The following RAB38 variants were observed in gnomAD, a reference collection of about 807,000 sequenced individuals.
RAB38 encodes the protein ras-related protein Rab-38.
RAB38 carries 15 observed loss-of-function variants against 18.4 expected under a neutral mutation model. The ratio of observed to expected loss-of-function variants is 0.82; its 90% CI spans 0.55 to 1.26. The LOEUF is 1.26. Ranked by LOEUF, RAB38 falls within the 50% of genes most tolerant of loss-of-function variation. The probability of loss-of-function intolerance (pLI) is 0.00; values close to 1 mark genes in which losing one functional copy is unlikely to be tolerated. For synonymous variants in RAB38, 101 were observed against 104.4 expected (o/e 0.97, Z 0.20); for missense variants, 294 against 267.4 (o/e 1.10, Z -0.69).
At chr11:87,959,433 ATATC>A in the RAB38 span, among the ~76,000 whole-genome samples, 4 of 152,284 alleles carry the variant, frequency 2.6e-5, no homozygotes, top group East Asian at 1.9e-4. Context: ...ATTCATACTC[ATATC>A]TATCTGACTC....
the RAB38 span, among the ~76,000 whole-genome samples, chr11:88,008,193 AT>A: frequency 2.6e-5 from 4 of 152,160 alleles, no homozygotes. Context: ...TACATTTGAT[AT>A]CTATATTTAC....
chr11:87,811,074 T>C, the RAB38 span, among the ~76,000 whole-genome samples: 1 of 152,208 alleles, frequency 6.6e-6, no homozygotes, highest in Non-Finnish European at 1.5e-5. Flanking sequence ...TTGTAGGCTC[T>C]CCTCTTTCCC....
At chr11:88,034,681 G>T in the RAB38 span, among the ~76,000 whole-genome samples, 1 of 152,096 alleles carries the variant, frequency 6.6e-6, no homozygotes, top group South Asian at 2.1e-4. Flanking sequence ...CCTTCTGTTC[G>T]TTTCCTAATT....
chr11:87,819,736 GTATA>G, the RAB38 span, among the ~76,000 whole-genome samples: 19 of 122,556 alleles, frequency 1.6e-4, 1 homozygote, highest in African/African-American at 6.2e-4. Flanking sequence ...ATATATATGT[GTATA>G]TATATATATA....
At chr11:88,009,719 T>G in the RAB38 span, among the ~76,000 whole-genome samples, 11 of 152,266 alleles carry the variant, frequency 7.2e-5, no homozygotes, top group South Asian at 2.1e-4. Context: ...TAATCAAAAT[T>G]TATAGCTTTG....
chr11:87,960,525 C>T, the RAB38 span, among the ~76,000 whole-genome samples: 429 of 152,182 alleles, frequency 2.8e-3, 2 homozygotes, highest in African/African-American at 9.8e-3. Context: ...GTGTGTCATG[C>T]ACTGTTTTCA....
intron 2 of RAB38, among the ~76,000 whole-genome samples, chr11:88,125,402 T>A (rs146782934): frequency 3.5e-4 from 53 of 152,282 alleles, no homozygotes; most frequent in African/African-American, 1.2e-3. Context: ...CAAACATAAC[T>A]TTTTTGGAAG....
the RAB38 span, among the ~76,000 whole-genome samples, chr11:87,871,420 C>G: frequency 1.3e-5 from 2 of 151,632 alleles, no homozygotes; most frequent in African/African-American, 4.8e-5. Flanking sequence ...AGATTTTGAA[C>G]TTGACCCAGA....
the RAB38 span, among the ~76,000 whole-genome samples, chr11:88,077,018 G>GAA: frequency 9.1e-6 from 1 of 109,888 alleles, no homozygotes; most frequent in Admixed American, 9.0e-5. Context: ...GAAAAGAAAA[G>GAA]AAAAGAAAAG....
chr11:88,115,463 T>C (rs1942537485), intron 2 of RAB38: 1 of 152,222 alleles, frequency 6.6e-6, no homozygotes, highest in South Asian at 2.1e-4. Flanking sequence ...TAGTTGTAAA[T>C]GTTTATTAGC....
chr11:87,887,846 A>C, the RAB38 span, among the ~76,000 whole-genome samples: 1 of 151,950 alleles, frequency 6.6e-6, no homozygotes, highest in Non-Finnish European at 1.5e-5. Context: ...AAACAGAATT[A>C]ATACAGCAAA....
At chr11:88,144,579 C>A (rs904075490) in intron 2 of RAB38, among the ~76,000 whole-genome samples, 2 of 152,320 alleles carry the variant, frequency 1.3e-5, no homozygotes, top group Admixed American at 1.3e-4. Flanking sequence ...TAGATATATT[C>A]CTTTTCTCAG....
the RAB38 span, among the ~76,000 whole-genome samples, chr11:87,922,720 A>G: frequency 6.6e-6 from 1 of 151,960 alleles, no homozygotes; most frequent in South Asian, 2.1e-4. Flanking sequence ...TTATGCCAAC[A>G]ACTTTATACA....
At chr11:88,131,205 C>T (rs1263526511) in intron 2 of RAB38, among the ~76,000 whole-genome samples, 1 of 152,082 alleles carries the variant, frequency 6.6e-6, no homozygotes, top group African/African-American at 2.4e-5. Context: ...ACAAATAGTT[C>T]ACCATAGAAA....
At chr11:87,977,903 A>G in the RAB38 span, among the ~76,000 whole-genome samples, 4 of 112,274 alleles carry the variant, frequency 3.6e-5, no homozygotes, top group South Asian at 2.7e-4. Context: ...ATTTACATAT[A>G]ATTATATACA....
chr11:87,914,024 C>A, the RAB38 span, among the ~76,000 whole-genome samples: 1 of 151,694 alleles, frequency 6.6e-6, no homozygotes, highest in African/African-American at 2.4e-5. Flanking sequence ...AAAACTGGTA[C>A]CAGGAATGGA....
At chr11:87,833,634 T>C in the RAB38 span, among the ~76,000 whole-genome samples, 1 of 152,214 alleles carries the variant, frequency 6.6e-6, no homozygotes, top group African/African-American at 2.4e-5. Context: ...ATCTTGTAAG[T>C]ACTGTTATCA....
At chr11:88,024,772 T>C in the RAB38 span, among the ~76,000 whole-genome samples, 1 of 152,104 alleles carries the variant, frequency 6.6e-6, no homozygotes, top group Non-Finnish European at 1.5e-5. Context: ...AAGACAAACA[T>C]CTCATGTTCT....
the RAB38 span, among the ~76,000 whole-genome samples, chr11:87,842,012 A>G: frequency 6.6e-6 from 1 of 152,134 alleles, no homozygotes; most frequent in African/African-American, 2.4e-5. Flanking sequence ...TTTTCTTCAA[A>G]ACACTTTGTC....
Sources: allele counts gnomAD v4.1 joint callset (sites outside exome capture counted in the v4.1 genomes callset), GRCh38; gene constraint gnomAD v4.1.1; transcripts MANE v1.5; gene names NCBI Gene and HGNC (gene_info 2026-07-23, HGNC 2026-07-21).